The following NCKAP5 variants were observed in gnomAD, a reference collection of about 807,000 sequenced individuals.
NCKAP5 encodes the protein nck-associated protein 5.
NCKAP5 carries 92 observed loss-of-function variants against 167.0 expected under a neutral mutation model. The ratio of observed to expected loss-of-function variants is 0.55; its 90% CI spans 0.47 to 0.66. NCKAP5 has a LOEUF of 0.66. NCKAP5 is among the 30% of genes least tolerant of loss of function. The pLI, the probability that NCKAP5 is intolerant of heterozygous loss-of-function variation, is 0.00. For missense variants in NCKAP5, 2,378 were observed against 2,315.0 expected, an observed-to-expected ratio of 1.03 and a Z score of -0.56; for synonymous variants, 891 against 877.4, an observed-to-expected ratio of 1.02 and a Z score of -0.27.
chr2:132,920,771 G>GTGTGTATATATATATA (rs1219401757), intron 8 of NCKAP5, among the ~76,000 whole-genome samples: 8 of 31,568 alleles, frequency 2.5e-4, no homozygotes, highest in South Asian at 1.5e-3. Context: ...ATATATGTAT[G>GTGTGTATATATATATA]TATATATATA....
chr2:133,616,609 T>C, the NCKAP5 span, among the ~76,000 whole-genome samples: 256 of 152,022 alleles, frequency 1.7e-3, 1 homozygote, highest in African/African-American at 6.0e-3. Flanking sequence ...CAGGAAGAAG[T>C]TGAATCTCTG....
chr2:132,822,188 G>T (rs1468109201), intron 11 of NCKAP5, among the ~76,000 whole-genome samples: 1 of 152,158 alleles, frequency 6.6e-6, no homozygotes, highest in Non-Finnish European at 1.5e-5. Flanking sequence ...GCAACACCTT[G>T]GCTAACCAGA....
chr2:133,014,559 T>C (rs1040879985), intron 6 of NCKAP5, among the ~76,000 whole-genome samples: 1 of 152,344 alleles, frequency 6.6e-6, no homozygotes, highest in South Asian at 2.1e-4. Context: ...TTATACTGTC[T>C]ATGCTGGGCT....
At chr2:133,659,285 C>T in the NCKAP5 span, among the ~76,000 whole-genome samples, 1 of 152,096 alleles carries the variant, frequency 6.6e-6, no homozygotes, top group East Asian at 1.9e-4. Flanking sequence ...TGGATATCCA[C>T]ATGCAAAAGA....
chr2:133,331,614 TGGGTACTACTTTTCCACTTAAG>T (rs1682859239), intron 3 of NCKAP5, among the ~76,000 whole-genome samples: 1 of 152,170 alleles, frequency 6.6e-6, no homozygotes, highest in Non-Finnish European at 1.5e-5. Flanking sequence ...AGGGATGACT[TGGGTACTACTTTTCCACTTAAG>T]GGCATAAACA....
intron 5 of NCKAP5, among the ~76,000 whole-genome samples, chr2:133,173,777 AT>A (rs2084343499): frequency 6.6e-6 from 1 of 152,170 alleles, no homozygotes; most frequent in Admixed American, 6.5e-5. Context: ...ATATCCACAT[AT>A]GACAGATTTA....
In NCKAP5 at chr2:132,839,757, CAAA is replaced by C. The variant is rs59000613; in HGVS notation, c.807+20732_807+20734del. On this transcript the variant is annotated intron_variant, in intron 11 of 19. Coordinates refer to ENST00000409261, the MANE Select transcript of NCKAP5 (RefSeq NM_207363.3). The stretch of plus-strand genomic sequence containing the variant: ...TGCGTGATGGAGTGAGACCTTGTCT[CAAA>C]AAAAAAAAAAAAAAAAAAAAGGCGC... Among the ~76,000 whole-genome samples, 40 of 63,082 alleles carry C rather than the reference CAAA, an allele frequency of 6.3e-4. No homozygotes were observed. In the East Asian group the frequency reaches 7.7e-3, roughly 12 times the overall value. The allele number at this position is 63,082 out of a possible 152,430, so 41.4% of individuals were successfully genotyped here.
chr2:132,944,832 G>A (rs1697578256), intron 8 of NCKAP5, among the ~76,000 whole-genome samples: 1 of 152,084 alleles, frequency 6.6e-6, no homozygotes, highest in African/African-American at 2.4e-5. Context: ...ATTTTCTCTT[G>A]GCCCAACCCC....
Position 133,213,586 on chromosome 2 carries a change from C to A in NCKAP5, c.207+130G>T, listed in dbSNP as rs145568096. The A allele has an allele frequency of 8.7e-4, 730 of 837,682 alleles. 4 individuals are homozygous for A. The African/African-American group carries it at 0.011, about 12-fold the overall frequency. 51.9% of individuals were successfully genotyped at this position (837,682 alleles called of 1,614,324 possible). A position where few individuals can be genotyped will look rare whatever the true frequency, so the allele number is the denominator to read the frequency against. ...TGTATAAATTCTATTATAAATACAT[C>A]ATTTGCCAAAATATCATTAAGTTTG... On this transcript the variant is annotated intron_variant, in intron 5 of 19. Transcript: ENST00000409261.
At chr2:133,462,407 G>C (rs891824857) in intron 3 of NCKAP5, among the ~76,000 whole-genome samples, 1 of 152,044 alleles carries the variant, frequency 6.6e-6, no homozygotes, top group Non-Finnish European at 1.5e-5. Flanking sequence ...TGCCGGCTTC[G>C]CAAGGCATTT....
chr2:133,102,011 A>T (rs1038641791), intron 6 of NCKAP5, among the ~76,000 whole-genome samples: 1 of 152,242 alleles, frequency 6.6e-6, no homozygotes, highest in Admixed American at 6.5e-5. Context: ...GGGAAAAAAA[A>T]TAAAAGACTG....
intron 3 of NCKAP5, among the ~76,000 whole-genome samples, chr2:133,432,110 G>C (rs1365179852): frequency 6.6e-6 from 1 of 152,150 alleles, no homozygotes; most frequent in Non-Finnish European, 1.5e-5. Context: ...ACCTAGCCTA[G>C]TGTTGTCCTT....
chr2:133,181,495 TA>T (rs1048587146), intron 5 of NCKAP5, among the ~76,000 whole-genome samples: 77 of 147,582 alleles, frequency 5.2e-4, no homozygotes, highest in African/African-American at 1.9e-3. Context: ...GTAAATGATC[TA>T]AATGTGCTAA....
rs1466140338 is a variant in NCKAP5 at position 132,907,675 on chromosome 2, T to G, written c.580-28759A>C. ...GTAATCATTCTTTTTTCTTTTTTTT[T>G]GAGAAGGAGTCTCGCTGTGTTGCCC... is the stretch of plus-strand genomic sequence containing the variant. On this transcript the variant is annotated intron_variant, in intron 8 of 19. Transcript: ENST00000409261. Among the ~76,000 whole-genome samples the G allele has an allele frequency of 1.3e-5, 2 of 152,130 alleles. 1 individual carries two copies. Among genetic ancestry groups the G allele is most frequent in the East Asian group, 3.8e-4 (2 of 5,196 alleles).
At chr2:133,263,002 T>C (rs2088994762) in intron 4 of NCKAP5, among the ~76,000 whole-genome samples, 1 of 152,056 alleles carries the variant, frequency 6.6e-6, no homozygotes, top group Non-Finnish European at 1.5e-5. Flanking sequence ...ATTTGAGGAG[T>C]ATGCCTAAGG....
At chr2:133,547,328 A>G (rs1021090589) in intron 2 of NCKAP5, among the ~76,000 whole-genome samples, 3 of 152,204 alleles carry the variant, frequency 2.0e-5, no homozygotes, top group Non-Finnish European at 2.9e-5. Context: ...CCCAGCCTTG[A>G]TTAGGTAAAC....
intron 8 of NCKAP5, among the ~76,000 whole-genome samples, chr2:132,895,891 T>C (rs1693162601): frequency 6.6e-6 from 1 of 151,834 alleles, no homozygotes; most frequent in Non-Finnish European, 1.5e-5. Context: ...TCCCAGCACT[T>C]TGTAAGGCCG....
chr2:133,408,414 T>C (rs1006477340), intron 3 of NCKAP5, among the ~76,000 whole-genome samples: 1 of 152,158 alleles, frequency 6.6e-6, no homozygotes, highest in Non-Finnish European at 1.5e-5. Context: ...GAGACCGAAA[T>C]AATTGCTCCT....
At chr2:132,980,365 A>G (rs1039281213) in intron 7 of NCKAP5, among the ~76,000 whole-genome samples, 2 of 152,130 alleles carry the variant, frequency 1.3e-5, no homozygotes, top group East Asian at 1.9e-4. Context: ...TGCCCAGGCC[A>G]CACCCCAGAC....
Sources: allele counts gnomAD v4.1 joint callset (sites outside exome capture counted in the v4.1 genomes callset), GRCh38; gene constraint gnomAD v4.1.1; transcripts MANE v1.5; gene names NCBI Gene and HGNC (gene_info 2026-07-23, HGNC 2026-07-21).